The following APBA1 variants were observed in gnomAD, a reference collection of about 807,000 sequenced individuals.
The protein encoded by APBA1 is amyloid-beta A4 precursor protein-binding family A member 1.
APBA1 carries 55 observed loss-of-function variants against 86.6 expected under a neutral mutation model. The ratio of observed to expected loss-of-function variants is 0.64; its 90% CI spans 0.51 to 0.80. The LOEUF (loss-of-function observed/expected upper bound fraction) is 0.80. APBA1 is among the 30% of genes least tolerant of loss of function. The probability of loss-of-function intolerance (pLI) is 0.00; values close to 1 mark genes in which losing one functional copy is unlikely to be tolerated. For missense variants in APBA1, 1,090 were observed against 1,183.0 expected, an observed-to-expected ratio of 0.92 and a Z score of 1.15; for synonymous variants, 511 against 493.9, an observed-to-expected ratio of 1.03 and a Z score of -0.46.
At chr9:69,491,579 T>C (rs915216638) in intron 2 of APBA1, among the ~76,000 whole-genome samples, 1 of 149,950 alleles carries the variant, frequency 6.7e-6, no homozygotes, top group Non-Finnish European at 1.5e-5. Flanking sequence ...ATTGTGCACA[T>C]GTACCCTAGA....
intron 1 of APBA1, among the ~76,000 whole-genome samples, chr9:69,654,783 T>G (rs957881336): frequency 6.6e-6 from 1 of 152,198 alleles, no homozygotes; most frequent in Non-Finnish European, 1.5e-5. Context: ...ATATTCCTAA[T>G]GAATATAGAT....
At chr9:69,565,958 A>T (rs948176598) in intron 1 of APBA1, among the ~76,000 whole-genome samples, 1 of 152,184 alleles carries the variant, frequency 6.6e-6, no homozygotes, top group Non-Finnish European at 1.5e-5. Flanking sequence ...CCGTGGCCTC[A>T]AGGCCTGCCT....
At chr9:69,447,730 CA>C (rs1834933701) in intron 10 of APBA1, among the ~76,000 whole-genome samples, 1 of 152,128 alleles carries the variant, frequency 6.6e-6, no homozygotes, top group African/African-American at 2.4e-5. Context: ...ACAATGGGTA[CA>C]AAATAGTACC....
intron 1 of APBA1, among the ~76,000 whole-genome samples, chr9:69,576,263 C>T (rs1405000139): frequency 6.6e-6 from 1 of 152,200 alleles, no homozygotes; most frequent in Non-Finnish European, 1.5e-5. Flanking sequence ...GTTGGTGGGA[C>T]TGTAAACTAG....
At chr9:69,510,374 G>A (rs1198972193) in intron 2 of APBA1, among the ~76,000 whole-genome samples, 3 of 148,238 alleles carry the variant, frequency 2.0e-5, no homozygotes, top group Admixed American at 6.8e-5. Context: ...GGGATGTGAA[G>A]GACCTCTTCA....
chr9:69,516,898 C>T lies in APBA1; in HGVS notation c.313G>A (p.Asp105Asn), dbSNP rs781394053. Residue 105 changes from aspartate (D) to asparagine (N), a missense_variant, in exon 2 of 13, where the codon GAT becomes AAT. Coordinates refer to ENST00000265381, the MANE Select transcript of APBA1 (RefSeq NM_001163.4). The surrounding 1 kb of genome is among the most constrained non-coding windows in gnomAD (Gnocchi z 7.3). ...TCGGGGTCCTGCGCGCGCTCCGCAT[C>T]GTAGCCGTCGCGGGCCGCGGCGATC... ...DVIAAARDGY[D>N]AERAQDPEDE... 6.3e-7 allele frequency: 1 copy of T among 1,594,140 alleles called. No individual in the cohort carries two copies.
chr9:69,453,084 G>A (rs115809910), intron 8 of APBA1, among the ~76,000 whole-genome samples: 1,652 of 152,208 alleles, frequency 0.011, 26 homozygotes, highest in African/African-American at 0.037. Context: ...GAATGGTTGC[G>A]CCAGAGCATT....
intron 2 of APBA1, among the ~76,000 whole-genome samples, chr9:69,501,214 T>C (rs1333894201): frequency 2.0e-5 from 3 of 152,062 alleles, no homozygotes; most frequent in Non-Finnish European, 4.4e-5. Context: ...GAAATCCTCC[T>C]CTCTTATCGC....
intron 4 of APBA1, among the ~76,000 whole-genome samples, chr9:69,470,571 A>T (rs1396034413): frequency 6.6e-6 from 1 of 152,198 alleles, no homozygotes; most frequent in Non-Finnish European, 1.5e-5. Flanking sequence ...TAAGTAACTA[A>T]ACCAAAACTG....
chr9:69,572,587 A>G (rs951115536), intron 1 of APBA1, among the ~76,000 whole-genome samples: 6 of 152,188 alleles, frequency 3.9e-5, no homozygotes, highest in Non-Finnish European at 8.8e-5. Context: ...CAGTTCAAGT[A>G]CCTATCCTCT....
intron 10 of APBA1, among the ~76,000 whole-genome samples, chr9:69,444,904 C>T (rs1215046133): frequency 6.6e-6 from 1 of 152,204 alleles, no homozygotes; most frequent in Non-Finnish European, 1.5e-5. Context: ...GCTCTGAGCC[C>T]AGAGGGGGCT....
intron 1 of APBA1, among the ~76,000 whole-genome samples, chr9:69,669,107 A>T (rs1472288078): frequency 6.6e-6 from 1 of 152,174 alleles, no homozygotes; most frequent in African/African-American, 2.4e-5. Flanking sequence ...CCTGTCCCCT[A>T]TCCAAAGGTA....
intron 1 of APBA1, among the ~76,000 whole-genome samples, chr9:69,563,257 T>G (rs1185400343): frequency 1.3e-5 from 2 of 152,170 alleles, no homozygotes; most frequent in Non-Finnish European, 2.9e-5. Flanking sequence ...CCTAACCAAC[T>G]TGTCACTTTA....
rs1351596436 is a variant in APBA1 at position 69,467,908 on chromosome 9, A to G, written c.1397T>C (p.Leu466Pro). 6.2e-7 allele frequency: 1 copy of G among 1,614,064 alleles called. No homozygotes were observed. The highest frequency in any genetic ancestry group is 8.5e-7 in the Non-Finnish European group (1 of 1,180,048). ...IDGIIFAANY[L>P]GSTQLLSDKT... ...GTCTGAGAGCAGCTGAGTGGAGCCA[A>G]GGTAATTGGCGGCAAAAATGATTCC... The change falls in exon 5 of 13, where the codon CTT becomes CCT. Residue 466 changes from leucine (L) to proline (P), a missense_variant. By Grantham distance (98) the Leu-to-Pro change is moderately conservative. Coordinates refer to ENST00000265381, the MANE Select transcript of APBA1 (RefSeq NM_001163.4).
chr9:69,536,224 A>G (rs547341141), intron 1 of APBA1, among the ~76,000 whole-genome samples: 1 of 152,228 alleles, frequency 6.6e-6, no homozygotes, highest in Non-Finnish European at 1.5e-5. Flanking sequence ...CTTATGAGTG[A>G]GTACAGTTAT....
At chr9:69,446,318 T>G (rs1174051258) in intron 10 of APBA1, among the ~76,000 whole-genome samples, 2 of 152,168 alleles carry the variant, frequency 1.3e-5, no homozygotes, top group African/African-American at 4.8e-5. Context: ...CGGCGCACTG[T>G]GGCAGGGAGG....
Position 69,516,813 on chromosome 9 carries a change from G to T in APBA1, c.398C>A (p.Ala133Glu). The T allele has an allele frequency of 6.2e-7, 1 of 1,607,998 alleles. No homozygotes were observed. The highest frequency in any genetic ancestry group is 1.1e-5 in the South Asian group (1 of 90,942). The change falls in exon 2 of 13, where the codon GCA becomes GAA. Residue 133 changes from alanine (A) to glutamate (E), a missense_variant. Physicochemically the swap from Ala to Glu is moderately radical, Grantham distance 107 (BLOSUM62 -1). This residue lies in a region of APBA1 where 678 missense variants were observed against 647.1 expected (regional missense o/e 1.05). Transcript: ENST00000265381. This position sits in a 1 kb window ranked among gnomAD's most constrained non-coding sequence, Gnocchi z 7.3. ...CGTGGCCTCGGCGTGCTCGGCCTCT[G>T]CCTGCTCCGTGTACTCCTCGGCCTC... ...RPEAEEYTEQ[A>E]EAEHAEATHR...
At chr9:69,492,281 T>C (rs1329809650) in intron 2 of APBA1, among the ~76,000 whole-genome samples, 1 of 152,028 alleles carries the variant, frequency 6.6e-6, no homozygotes, top group Non-Finnish European at 1.5e-5. Flanking sequence ...CCATGAGTAT[T>C]AACTGGTGAT....
intron 11 of APBA1, among the ~76,000 whole-genome samples, chr9:69,439,663 T>TTATTCTAG (rs1434899549): frequency 6.6e-6 from 1 of 152,214 alleles, no homozygotes; most frequent in Non-Finnish European, 1.5e-5. Context: ...TCTGCATTGG[T>TTATTCTAG]TATTCTAGTT....
Sources: allele counts gnomAD v4.1 joint callset (sites outside exome capture counted in the v4.1 genomes callset), GRCh38; gene constraint gnomAD v4.1.1; regional missense constraint gnomAD v4.1.1; non-coding constraint Gnocchi (gnomAD v3.1); transcripts MANE v1.5; gene names NCBI Gene and HGNC (gene_info 2026-07-23, HGNC 2026-07-21).